Variants in SAMD8 observed in about 807,000 individuals in gnomAD.
SAMD8 encodes the protein sphingomyelin synthase-related protein 1.
SAMD8 carries 20 observed loss-of-function variants against 42.0 expected under a neutral mutation model. The ratio of observed to expected loss-of-function variants is 0.48; its 90% CI spans 0.34 to 0.69. The LOEUF (loss-of-function observed/expected upper bound fraction) is 0.69, where lower values mean the gene tolerates loss of function less well. SAMD8 is among the 30% of genes least tolerant of loss of function. The pLI is 0.01. For missense variants in SAMD8, 328 were observed against 511.6 expected (o/e 0.64, Z 3.46); for synonymous variants, 162 against 173.0 (o/e 0.94, Z 0.50).
chr10:75,174,717 G>C (rs1840950687), intron 4 of SAMD8, among the ~76,000 whole-genome samples: 1 of 151,812 alleles, frequency 6.6e-6, no homozygotes, highest in Non-Finnish European at 1.5e-5. Flanking sequence ...ATAGGCGTGA[G>C]CCACCGCACC....
At chr10:75,122,018 G>T (rs557190216) in intron 1 of SAMD8, among the ~76,000 whole-genome samples, 1 of 152,190 alleles carries the variant, frequency 6.6e-6, no homozygotes, top group Non-Finnish European at 1.5e-5. Context: ...ATTTATATCT[G>T]TTTAAATGAG....
chr10:75,167,822 G>A (rs1179725920), intron 3 of SAMD8, among the ~76,000 whole-genome samples: 1 of 151,952 alleles, frequency 6.6e-6, no homozygotes, highest in Non-Finnish European at 1.5e-5. Flanking sequence ...CAAACTTTTG[G>A]ACTCAAGCAA....
At chr10:75,115,485 G>T (rs1848856123) in intron 1 of SAMD8, among the ~76,000 whole-genome samples, 1 of 152,164 alleles carries the variant, frequency 6.6e-6, no homozygotes, top group Admixed American at 6.6e-5. Flanking sequence ...GAATGTGTGG[G>T]TATGGATTTG....
At chr10:75,156,634 T>C (rs1467874146) in intron 2 of SAMD8, among the ~76,000 whole-genome samples, 1 of 149,496 alleles carries the variant, frequency 6.7e-6, no homozygotes, top group Admixed American at 6.6e-5. Flanking sequence ...GTAATCATCT[T>C]GTCCAAAAAA....
chr10:75,154,516 A>G (rs1261086242), intron 2 of SAMD8, among the ~76,000 whole-genome samples: 2 of 152,196 alleles, frequency 1.3e-5, no homozygotes, highest in Non-Finnish European at 2.9e-5. Context: ...ATCTGAGAGG[A>G]GACAAGAAGC....
At chr10:75,146,195 C>G (rs543957630) in intron 1 of SAMD8, among the ~76,000 whole-genome samples, 2 of 151,388 alleles carry the variant, frequency 1.3e-5, no homozygotes, top group Non-Finnish European at 2.9e-5. Flanking sequence ...AACTCAAGGC[C>G]GTAACCTGGG....
chr10:75,160,173 T>C (rs1045664883), intron 2 of SAMD8, among the ~76,000 whole-genome samples: 1 of 152,164 alleles, frequency 6.6e-6, no homozygotes, highest in African/African-American at 2.4e-5. Context: ...GTGTTCATAG[T>C]GATGACTCTA....
At chr10:75,159,048 T>A (rs1176617597) in intron 2 of SAMD8, among the ~76,000 whole-genome samples, 1 of 140,490 alleles carries the variant, frequency 7.1e-6, no homozygotes, top group Non-Finnish European at 1.5e-5. Context: ...TGTAGACAAA[T>A]TTTTTTTTCT....
intron 1 of SAMD8, among the ~76,000 whole-genome samples, chr10:75,147,665 A>G (rs187261757): frequency 2.9e-4 from 44 of 152,314 alleles, no homozygotes; most frequent in African/African-American, 9.9e-4. Flanking sequence ...CAGATTTGCT[A>G]TATCATAACC....
At chr10:75,164,442 A>G (rs931327821) in intron 2 of SAMD8, 15 of 907,816 alleles carry the variant, frequency 1.7e-5, no homozygotes, top group African/African-American at 1.1e-4. Flanking sequence ...CTGGGAATCA[A>G]TGGACAAGAA....
At chr10:75,103,854 G>A (rs1848327685) in intron 1 of SAMD8, 2 of 1,266,322 alleles carry the variant, frequency 1.6e-6, no homozygotes, top group African/African-American at 1.5e-5. Context: ...CCCTGGCCAA[G>A]AAGCCTGAGG....
Position 75,178,658 on chromosome 10 carries a change from G to T in SAMD8, c.*1966G>T, listed in dbSNP as rs1297722813. On this transcript the variant is annotated 3_prime_UTR_variant, in exon 6 of 6. Transcript: ENST00000542569. ...GCAGGAGGATTGCTTGAGGCCAGGA[G>T]TTAGAAACTAGAGTGTGTTATAACG... 2 of 152,114 alleles carry T rather than the reference G, an allele frequency of 1.3e-5. No homozygotes were observed. Among genetic ancestry groups the T allele is most frequent in the Non-Finnish European group, 2.9e-5 (2 of 68,070 alleles). The allele number at this position is 152,114 out of a possible 1,614,324, so 9.4% of individuals were successfully genotyped here.
chr10:75,134,030 T>C (rs893486835), intron 1 of SAMD8, among the ~76,000 whole-genome samples: 4 of 152,202 alleles, frequency 2.6e-5, no homozygotes, highest in Admixed American at 6.5e-5. Flanking sequence ...GCAGTGAACA[T>C]ACGTGTGCAT....
chr10:75,126,544 C>T (rs1849142603), intron 1 of SAMD8, among the ~76,000 whole-genome samples: 1 of 147,588 alleles, frequency 6.8e-6, no homozygotes, highest in Non-Finnish European at 1.5e-5. Flanking sequence ...CTGTGTCATC[C>T]AGGCTGGAGT....
Position 75,111,656 on chromosome 10 carries a change from G to A in SAMD8, c.-82G>A. ...ACTCCGGCGAGGCGGGGAGGGCCCC[G>A]GACTCCGACGGCGGCTCGGACGCCG... On this transcript the variant is annotated 5_prime_UTR_variant, in exon 1 of 6. Transcript: ENST00000542569. The A allele has an allele frequency of 3.2e-6, 4 of 1,241,168 alleles. No individual in the cohort carries two copies. Among genetic ancestry groups the A allele is most frequent in the Admixed American group, 8.4e-5 (2 of 23,734 alleles). The allele number at this position is 1,241,168 out of a possible 1,614,324, so 76.9% of individuals were successfully genotyped here.
chr10:75,135,165 A>C (rs964826098), intron 1 of SAMD8, among the ~76,000 whole-genome samples: 1 of 151,844 alleles, frequency 6.6e-6, no homozygotes, highest in Non-Finnish European at 1.5e-5. Context: ...TTAACATATT[A>C]CACTGGGCCA....
At chr10:75,106,203 A>G (rs1226980267) in intron 1 of SAMD8, among the ~76,000 whole-genome samples, 1 of 150,692 alleles carries the variant, frequency 6.6e-6, no homozygotes, top group Non-Finnish European at 1.5e-5. Flanking sequence ...TGGCCTCCCA[A>G]AGTGTTGGGA....
At chr10:75,126,382 A>ATG (rs1849134265) in intron 1 of SAMD8, among the ~76,000 whole-genome samples, 1 of 152,154 alleles carries the variant, frequency 6.6e-6, no homozygotes, top group African/African-American at 2.4e-5. Flanking sequence ...ATTGAGAGCA[A>ATG]GATCTGATTC....
At chr10:75,151,782 G>C (rs1443305410) in intron 2 of SAMD8, among the ~76,000 whole-genome samples, 1 of 152,186 alleles carries the variant, frequency 6.6e-6, no homozygotes, top group Non-Finnish European at 1.5e-5. Context: ...CACCTCCCTG[G>C]TTCAAGCCAT....
Sources: gnomAD v4.1 joint callset for allele counts (sites outside exome capture counted in the v4.1 genomes callset) on GRCh38, gnomAD v4.1.1 for gene constraint, MANE v1.5 for transcripts, NCBI Gene and HGNC (gene_info 2026-07-23, HGNC 2026-07-21) for gene names.